ABHD17C: variants seen among roughly 807,000 people sequenced by gnomAD.
ABHD17C encodes alpha/beta hydrolase domain-containing protein 17C.
Under a neutral mutation model 27.9 loss-of-function variants are expected in ABHD17C, and 11 were observed. The observed-to-expected ratio is 0.39, with a 90% CI of 0.25 to 0.65. The LOEUF is 0.65. ABHD17C is among the 30% of genes least tolerant of loss of function. The pLI is 0.45. For synonymous variants in ABHD17C, 233 were observed against 209.1 expected, an observed-to-expected ratio of 1.11 and a Z score of -0.98; for missense variants, 280 against 470.2, an observed-to-expected ratio of 0.60 and a Z score of 3.74.
chr15:80,754,142 G>A lies in ABHD17C; in HGVS notation c.771-9G>A, dbSNP rs747159342. ...TCCTCTTTCTGCCTCCCCCCTTTCTGTTTTGCAGCATTGACAAGATATCTA... is the reference window on the plus strand; with the variant it reads ...TCCTCTTTCTGCCTCCCCCCTTTCTATTTTGCAGCATTGACAAGATATCTA... On this transcript the variant is annotated splice_polypyrimidine_tract_variant and intron_variant, in intron 2 of 2. Coordinates refer to ENST00000258884, the MANE Select transcript of ABHD17C (RefSeq NM_021214.2). The A allele has an allele frequency of 6.2e-7, 1 of 1,610,984 alleles. No homozygotes were observed. Among genetic ancestry groups the A allele is most frequent in the Non-Finnish European group, 8.5e-7 (1 of 1,177,308 alleles).
chr15:80,751,576 C>T (rs1451930840), intron 2 of ABHD17C, among the ~76,000 whole-genome samples: 4 of 152,104 alleles, frequency 2.6e-5, no homozygotes, highest in African/African-American at 7.2e-5. Context: ...AAGATCCTGT[C>T]ACTACAGAAA....
chr15:80,707,292 C>T (rs1283412429), intron 1 of ABHD17C, among the ~76,000 whole-genome samples: 4 of 152,180 alleles, frequency 2.6e-5, no homozygotes, highest in Non-Finnish European at 1.5e-5. Context: ...GAAGAACATA[C>T]AGTGGCCTGA....
rs1033683573 is a variant in ABHD17C, at chr15:80,754,090, T to C, written c.771-61T>C. 3.2e-6 allele frequency: 4 copies of C among 1,267,720 alleles called. No homozygotes were observed. The African/African-American group carries it at 5.9e-5, about 19-fold the overall frequency. The allele number at this position is 1,267,720 out of a possible 1,614,324, so 78.5% of individuals were successfully genotyped here. A position where few individuals can be genotyped will look rare whatever the true frequency, so the allele number is the denominator to read the frequency against. ...TTAACTTATCATTAAATGTGATGTG[T>C]ATTATCTGTGAGCATAACTAATGGA... is the stretch of plus-strand genomic sequence containing the variant. On this transcript the variant is annotated intron_variant, in intron 2 of 2. Transcript: ENST00000258884.
chr15:80,722,868 T>C (rs1462768233), intron 1 of ABHD17C, among the ~76,000 whole-genome samples: 1 of 152,234 alleles, frequency 6.6e-6, no homozygotes, highest in African/African-American at 2.4e-5. Context: ...TGCAGGACCA[T>C]CCATGTTGTT....
At chr15:80,753,902 T>C (rs1895397510) in intron 2 of ABHD17C, among the ~76,000 whole-genome samples, 1 of 152,212 alleles carries the variant, frequency 6.6e-6, no homozygotes, top group African/African-American at 2.4e-5. Flanking sequence ...TTGGGGAGAC[T>C]GTGCATGTGT....
intron 1 of ABHD17C, among the ~76,000 whole-genome samples, chr15:80,712,654 A>G (rs1894743114): frequency 6.6e-6 from 1 of 152,146 alleles, no homozygotes; most frequent in Non-Finnish European, 1.5e-5. Context: ...AGTGTAGTAC[A>G]GCCCTCCATA....
rs1895410681 is a variant in ABHD17C at position 80,754,643 on chromosome 15, G to A, written c.*273G>A. On this transcript the variant is annotated 3_prime_UTR_variant, in exon 3 of 3. Coordinates refer to ENST00000258884, the MANE Select transcript of ABHD17C (RefSeq NM_021214.2). ...AGCTGAATGTAGGGACAATTTTCTA[G>A]TGCTGTATAAAGTAGCCTCGCATCT... 2 of 391,078 alleles carry A rather than the reference G, an allele frequency of 5.1e-6. No individual in the cohort carries two copies. The highest frequency in any genetic ancestry group is 9.6e-5 in the East Asian group (2 of 20,790). 24.2% of individuals were successfully genotyped at this position (391,078 alleles called of 1,614,324 possible).
intron 1 of ABHD17C, among the ~76,000 whole-genome samples, chr15:80,716,945 T>C (rs116149765): frequency 0.013 from 1,930 of 152,272 alleles, 22 homozygotes; most frequent in Middle Eastern, 0.031. Context: ...GGCAGTGCAG[T>C]GGGTCTGTTC....
At chr15:80,719,964 A>G (rs944974575) in intron 1 of ABHD17C, among the ~76,000 whole-genome samples, 3 of 151,766 alleles carry the variant, frequency 2.0e-5, no homozygotes, top group South Asian at 2.1e-4. Context: ...CGCCCAACCA[A>G]TTTTTTTGTA....
chr15:80,715,019 G>A (rs967803716), intron 1 of ABHD17C, among the ~76,000 whole-genome samples: 12 of 152,148 alleles, frequency 7.9e-5, no homozygotes, highest in African/African-American at 2.9e-4. Context: ...CTGACCTCGT[G>A]ATCCGCCCAC....
chr15:80,696,166 T>A, intron 1 of ABHD17C, 147 bp downstream of exon 1: 1 of 895,190 alleles, frequency 1.1e-6, no homozygotes, highest in Non-Finnish European at 1.7e-6. Flanking sequence ...CGCCGTAAAT[T>A]CGCTTTTCTT....
In ABHD17C at chr15:80,748,149, G is replaced by A. The variant is rs188827969; in HGVS notation, c.591-1364G>A. On this transcript the variant is annotated intron_variant, in intron 1 of 2. Transcript: ENST00000258884. The stretch of plus-strand genomic sequence containing the variant: ...CAATGCCCTGAATTCTTTCTTTAGG[G>A]CCTCCATTCTTCCATGGAGTTTCGT... Among the ~76,000 whole-genome samples, 61 of 152,330 alleles carry A rather than the reference G, an allele frequency of 4.0e-4. No homozygotes were observed. The East Asian group carries it at 0.01, about 26-fold the overall frequency.
At chr15:80,730,807 G>A (rs1439687460) in intron 1 of ABHD17C, among the ~76,000 whole-genome samples, 10 of 152,132 alleles carry the variant, frequency 6.6e-5, no homozygotes, top group Admixed American at 6.5e-4. Flanking sequence ...CAAAAACTGG[G>A]TTATAAGGAT....
rs1895415846 is a variant in ABHD17C at position 80,755,079 on chromosome 15, C to T, written c.*709C>T. On this transcript the variant is annotated 3_prime_UTR_variant, in exon 3 of 3. Coordinates refer to ENST00000258884, the MANE Select transcript of ABHD17C (RefSeq NM_021214.2). ...CTAGCTGACTTTCCTTCTGTAAAGTCCTCCTTGTAGGCTTTTTTAAAGTAC... is the reference window on the plus strand; with the variant it reads ...CTAGCTGACTTTCCTTCTGTAAAGTTCTCCTTGTAGGCTTTTTTAAAGTAC... 1 of 152,116 alleles carries T rather than the reference C, an allele frequency of 6.6e-6. No homozygotes were observed. Among genetic ancestry groups the T allele is most frequent in the South Asian group, 2.1e-4 (1 of 4,826 alleles). 9.4% of individuals were successfully genotyped at this position (152,116 alleles called of 1,614,324 possible). A position where few individuals can be genotyped will look rare whatever the true frequency, so the allele number is the denominator to read the frequency against.
At chr15:80,739,183 A>T (rs541654493) in intron 1 of ABHD17C, among the ~76,000 whole-genome samples, 1 of 152,316 alleles carries the variant, frequency 6.6e-6, no homozygotes, top group South Asian at 2.1e-4. Context: ...CCTTTTGCTG[A>T]TGCAGAAAAT....
chr15:80,728,421 T>A (rs550684776), intron 1 of ABHD17C, among the ~76,000 whole-genome samples: 3 of 152,286 alleles, frequency 2.0e-5, no homozygotes, highest in Middle Eastern at 3.4e-3. Flanking sequence ...TCAAGCATGC[T>A]TTATCACCTG....
In ABHD17C at chr15:80,709,757, C is replaced by T. The variant is rs1040807068; in HGVS notation, c.590+13738C>T. On this transcript the variant is annotated intron_variant, in intron 1 of 2. Coordinates refer to ENST00000258884, the MANE Select transcript of ABHD17C (RefSeq NM_021214.2). ...CTCTGCAGCAGCCCACACCTGTGGC[C>T]ACACCTTGTACCTCGTGATCACCTG... is the stretch of plus-strand genomic sequence containing the variant. Among the ~76,000 whole-genome samples, 4 of 152,104 alleles carry T rather than the reference C, an allele frequency of 2.6e-5. No individual in the cohort carries two copies. The East Asian group carries it at 7.7e-4, about 29-fold the overall frequency.
At chr15:80,701,982 C>G (rs541323683) in intron 1 of ABHD17C, among the ~76,000 whole-genome samples, 1 of 152,226 alleles carries the variant, frequency 6.6e-6, no homozygotes, top group African/African-American at 2.4e-5. Flanking sequence ...TTATCAGTAC[C>G]AGAAGCTGAG....
chr15:80,701,179 A>G (rs1258100404), intron 1 of ABHD17C, among the ~76,000 whole-genome samples: 1 of 152,156 alleles, frequency 6.6e-6, no homozygotes, highest in African/African-American at 2.4e-5. Flanking sequence ...GGACCCTTGA[A>G]AAACACCTTC....
Sources: gnomAD v4.1 joint callset for allele counts (sites outside exome capture counted in the v4.1 genomes callset) on GRCh38, gnomAD v4.1.1 for gene constraint, MANE v1.5 for transcripts, NCBI Gene and HGNC (gene_info 2026-07-23, HGNC 2026-07-21) for gene names.